Variants in SHC4 observed in about 807,000 individuals in gnomAD.
The protein encoded by SHC4 is SHC adaptor protein 4, also known as SHC-transforming protein 4.
Under a neutral mutation model 69.4 loss-of-function variants are expected in SHC4, and 41 were observed. That is an observed-to-expected ratio of 0.59 (90% CI 0.46 to 0.77). The LOEUF is 0.77. SHC4 is among the 30% of genes least tolerant of loss of function. The pLI is 0.00. For synonymous variants in SHC4, 318 were observed against 299.3 expected, an observed-to-expected ratio of 1.06 and a Z score of -0.64; for missense variants, 777 against 783.8, an observed-to-expected ratio of 0.99 and a Z score of 0.10.
intron 7 of SHC4, among the ~76,000 whole-genome samples, chr15:48,856,591 T>C (rs949649672): frequency 1.3e-4 from 20 of 151,944 alleles, no homozygotes; most frequent in South Asian, 2.1e-4. Context: ...ATAAGAGAGC[T>C]ATGGCCAGCT....
At chr15:48,952,079 G>A (rs755048593) in intron 1 of SHC4, among the ~76,000 whole-genome samples, 1 of 152,146 alleles carries the variant, frequency 6.6e-6, no homozygotes, top group Non-Finnish European at 1.5e-5. Context: ...GATGAGTTCT[G>A]AGTCCAGGGT....
chr15:48,867,561 A>G (rs530313465), intron 6 of SHC4, among the ~76,000 whole-genome samples: 2 of 152,324 alleles, frequency 1.3e-5, no homozygotes, highest in South Asian at 4.1e-4. Flanking sequence ...TATCATAACC[A>G]TAATAGCTTC....
chr15:48,917,243 T>TTGTGTG (rs3985853), intron 2 of SHC4, among the ~76,000 whole-genome samples: 133 of 137,198 alleles, frequency 9.7e-4, no homozygotes, highest in African/African-American at 3.2e-3. Flanking sequence ...ACCTGATTTC[T>TTGTGTG]TGTGTGTGTG....
chr15:48,962,894 A>G lies in SHC4; in HGVS notation c.122T>C (p.Leu41Ser). The part of the protein sequence containing the change: ...SRFRNESITS[L>S]DEGSSGGSVG... ...CGAGCCTCCGGAGCTACCTTCGTCCAAGGACGTGATCGACTCGTTCCGAAA... is the reference window on the plus strand; with the variant it reads ...CGAGCCTCCGGAGCTACCTTCGTCCGAGGACGTGATCGACTCGTTCCGAAA... Residue 41 changes from leucine to serine, a missense_variant, in exon 1 of 12, where the codon TTG becomes TCG. Coordinates refer to ENST00000332408, the MANE Select transcript of SHC4 (RefSeq NM_203349.4). 1 of 1,613,402 alleles carries G rather than the reference A, an allele frequency of 6.2e-7. No homozygotes were observed. Among genetic ancestry groups the G allele is most frequent in the East Asian group, 2.2e-5 (1 of 44,874 alleles).
intron 2 of SHC4, among the ~76,000 whole-genome samples, chr15:48,896,271 C>A (rs1173619143): frequency 4.0e-5 from 5 of 124,392 alleles, no homozygotes; most frequent in African/African-American, 1.2e-4. Context: ...CCTCCCTCTC[C>A]CTCTCTCTCT....
rs183037977 is a variant in SHC4 at position 48,959,001 on chromosome 15, C to T, written c.585+3430G>A. Among the ~76,000 whole-genome samples, 123 of 152,274 alleles carry T rather than the reference C, an allele frequency of 8.1e-4. 1 individual carries two copies. The highest frequency in any genetic ancestry group is 1.5e-3 in the Non-Finnish European group (103 of 68,004). ...ATTAAAGTTACTCAAAACAGGTGGTCAGGATTCATAAAGTGTTTTCAGCTA... is the reference window on the plus strand; with the variant it reads ...ATTAAAGTTACTCAAAACAGGTGGTTAGGATTCATAAAGTGTTTTCAGCTA... On this transcript the variant is annotated intron_variant, in intron 1 of 11. Coordinates refer to ENST00000332408, the MANE Select transcript of SHC4 (RefSeq NM_203349.4).
chr15:48,942,794 G>C (rs1280513441), intron 1 of SHC4, among the ~76,000 whole-genome samples: 1 of 152,200 alleles, frequency 6.6e-6, no homozygotes, highest in Non-Finnish European at 1.5e-5. Context: ...GTTCAGGCTT[G>C]AGATTTACAT....
chr15:48,828,414 T>A (rs1044182175), intron 11 of SHC4, among the ~76,000 whole-genome samples: 2 of 152,220 alleles, frequency 1.3e-5, no homozygotes, highest in Non-Finnish European at 2.9e-5. Context: ...GTTTAGTGGA[T>A]CTTAGTTTTC....
Position 48,875,783 on chromosome 15 carries a change from T to A in SHC4, c.841-3641A>T, listed in dbSNP as rs116602801. ...CTGGATGGCATTTTGGTTTCACTAC[T>A]CAGGTCAAAGAGGTCGCTTCTGAAT... On this transcript the variant is annotated intron_variant, in intron 4 of 11. Coordinates refer to ENST00000332408, the MANE Select transcript of SHC4 (RefSeq NM_203349.4). Among the ~76,000 whole-genome samples, 1,334 of 152,324 alleles carry A rather than the reference T, an allele frequency of 8.8e-3. 21 individuals are homozygous for A. The highest frequency in any genetic ancestry group is 0.03 in the African/African-American group (1,259 of 41,570).
At chr15:48,909,420 T>C (rs1159905946) in intron 2 of SHC4, among the ~76,000 whole-genome samples, 1 of 152,166 alleles carries the variant, frequency 6.6e-6, no homozygotes, top group Non-Finnish European at 1.5e-5. Context: ...TTTGCTGAAT[T>C]CTTTAATCAG....
intron 1 of SHC4, among the ~76,000 whole-genome samples, chr15:48,936,357 G>A (rs1366227894): frequency 6.6e-6 from 1 of 152,084 alleles, no homozygotes; most frequent in African/African-American, 2.4e-5. Flanking sequence ...CTTACAAAAG[G>A]CAGATCTCCT....
At chr15:48,918,222 A>G (rs993291893) in intron 2 of SHC4, among the ~76,000 whole-genome samples, 3 of 151,776 alleles carry the variant, frequency 2.0e-5, no homozygotes, top group Admixed American at 1.3e-4. Context: ...CTCCCACCCA[A>G]CTCCCCCATA....
At chr15:48,855,395 A>G (rs1427387105) in intron 8 of SHC4, among the ~76,000 whole-genome samples, 1 of 152,200 alleles carries the variant, frequency 6.6e-6, no homozygotes, top group Non-Finnish European at 1.5e-5. Context: ...ATCTTCCAGT[A>G]TAGTGCACAT....
chr15:48,859,940 G>C (rs10851471), intron 6 of SHC4, among the ~76,000 whole-genome samples: 1 of 151,786 alleles, frequency 6.6e-6, no homozygotes, highest in Non-Finnish European at 1.5e-5. Flanking sequence ...GGAGGGAGGA[G>C]AGAGGTTCAC....
chr15:48,875,957 G>A (rs1899790326), intron 4 of SHC4, among the ~76,000 whole-genome samples: 1 of 152,190 alleles, frequency 6.6e-6, no homozygotes. Flanking sequence ...AGCTCTGTGA[G>A]GAGATGGATG....
intron 11 of SHC4, among the ~76,000 whole-genome samples, chr15:48,833,948 T>C (rs188338526): frequency 1.3e-3 from 205 of 152,346 alleles, no homozygotes; most frequent in Admixed American, 9.9e-3. Flanking sequence ...TTGGTCAATA[T>C]AGAGTTGTTA....
At chr15:48,911,292 G>A (rs1900503812) in intron 2 of SHC4, among the ~76,000 whole-genome samples, 1 of 152,078 alleles carries the variant, frequency 6.6e-6, no homozygotes, top group Non-Finnish European at 1.5e-5. Flanking sequence ...TTTCCTGTTG[G>A]ACAATGCCTT....
intron 2 of SHC4, among the ~76,000 whole-genome samples, chr15:48,916,936 G>C (rs755378613): frequency 7.2e-5 from 11 of 152,220 alleles, no homozygotes; most frequent in Non-Finnish European, 1.5e-4. Context: ...TGCCAATGGT[G>C]TGCTCCGCCC....
At chr15:48,829,002 C>A (rs1898745642) in intron 11 of SHC4, among the ~76,000 whole-genome samples, 1 of 152,128 alleles carries the variant, frequency 6.6e-6, no homozygotes, top group Non-Finnish European at 1.5e-5. Flanking sequence ...CTTTGCTGTG[C>A]AGAAGCTTTT....
Sources: gnomAD v4.1 joint callset for allele counts (sites outside exome capture counted in the v4.1 genomes callset) on GRCh38, gnomAD v4.1.1 for gene constraint, MANE v1.5 for transcripts, NCBI Gene and HGNC (gene_info 2026-07-23, HGNC 2026-07-21) for gene names.